SNTB1: variants seen among roughly 807,000 people sequenced by gnomAD.
SNTB1 encodes beta-1-syntrophin.
A neutral mutation model predicts 48.9 loss-of-function variants in SNTB1; 36 were observed. That is an observed-to-expected ratio of 0.74 (90% confidence interval 0.56 to 0.97). The LOEUF is 0.97. Ranked by LOEUF, SNTB1 falls within the 50% of genes least tolerant of loss-of-function variation. The probability of loss-of-function intolerance (pLI) is 0.00; values close to 1 mark genes in which losing one functional copy is unlikely to be tolerated. For synonymous variants in SNTB1, 299 were observed against 294.6 expected, an observed-to-expected ratio of 1.01 and a Z score of -0.15; for missense variants, 786 against 703.4, an observed-to-expected ratio of 1.12 and a Z score of -1.33.
At chr8:120,760,512 A>C (rs1170867652) in intron 1 of SNTB1, among the ~76,000 whole-genome samples, 1 of 152,146 alleles carries the variant, frequency 6.6e-6, no homozygotes, top group Non-Finnish European at 1.5e-5. Flanking sequence ...CTAGCTTCAG[A>C]AATTAAAAAC....
chr8:120,605,807 T>C (rs911275884), intron 3 of SNTB1, among the ~76,000 whole-genome samples: 7 of 152,182 alleles, frequency 4.6e-5, no homozygotes, highest in African/African-American at 1.7e-4. Context: ...GTGCAATCCA[T>C]GGCCTGTGGT....
chr8:120,709,128 G>C (rs1818422488), intron 1 of SNTB1, among the ~76,000 whole-genome samples: 1 of 152,076 alleles, frequency 6.6e-6, no homozygotes, highest in African/African-American at 2.4e-5. Flanking sequence ...GGGAGGGAAG[G>C]AGGAAGGCAA....
intron 3 of SNTB1, among the ~76,000 whole-genome samples, chr8:120,579,412 C>G (rs185204424): frequency 1.8e-4 from 27 of 152,238 alleles, no homozygotes; most frequent in Admixed American, 1.6e-3. Flanking sequence ...CACAGTGGCT[C>G]ATGCCTATAC....
rs73323199 is a variant in SNTB1 at position 120,767,885 on chromosome 8, C to T, written c.571+43388G>A. Among the ~76,000 whole-genome samples the T allele has an allele frequency of 2.6e-3, 403 of 152,294 alleles. 1 individual carries two copies. The highest frequency in any genetic ancestry group is 0.014 in the Middle Eastern group (4 of 294). The stretch of plus-strand genomic sequence containing the variant: ...ATTCCAAGACTAACCCTCTCTCATT[C>T]TTGATAATTCCTAAATGATGATTCT... On this transcript the variant is annotated intron_variant, in intron 1 of 6. Coordinates refer to ENST00000517992, the MANE Select transcript of SNTB1 (RefSeq NM_021021.4).
At chr8:120,732,215 G>A (rs144428811) in intron 1 of SNTB1, among the ~76,000 whole-genome samples, 1 of 152,142 alleles carries the variant, frequency 6.6e-6, no homozygotes, top group Admixed American at 6.5e-5. Flanking sequence ...GTCATCAAAT[G>A]CTTCCTACAA....
chr8:120,632,053 C>G (rs762491325), intron 3 of SNTB1, among the ~76,000 whole-genome samples: 15 of 152,160 alleles, frequency 9.9e-5, no homozygotes, highest in Non-Finnish European at 2.1e-4. Context: ...ACAGGCTCAT[C>G]AAAACCCACA....
chr8:120,765,236 A>C (rs372569742), intron 1 of SNTB1, among the ~76,000 whole-genome samples: 200 of 152,260 alleles, frequency 1.3e-3, no homozygotes, highest in African/African-American at 4.5e-3. Flanking sequence ...AAAACAAAAC[A>C]AAACCAAACC....
In SNTB1 at chr8:120,710,580, G is replaced by C. The variant is rs74613218; in HGVS notation, c.572-16672C>G. 7.2e-5 allele frequency among the ~76,000 whole-genome samples: 11 copies of C among 152,270 alleles called. No homozygotes were observed. In the East Asian group the frequency reaches 1.2e-3, roughly 16 times the overall value. On this transcript the variant is annotated intron_variant, in intron 1 of 6. Coordinates refer to ENST00000517992, the MANE Select transcript of SNTB1 (RefSeq NM_021021.4). ...ACCTTTTGGGAAGTGATTAGGTCACGAGGGTTCTGCCCTCATGAATGGATT... is the reference window on the plus strand; with the variant it reads ...ACCTTTTGGGAAGTGATTAGGTCACCAGGGTTCTGCCCTCATGAATGGATT...
intron 2 of SNTB1, among the ~76,000 whole-genome samples, chr8:120,642,759 A>G (rs377637132): frequency 6.6e-6 from 1 of 152,146 alleles, no homozygotes; most frequent in African/African-American, 2.4e-5. Flanking sequence ...AAAAAATTTA[A>G]AAATTAGTCA....
At position 120,601,252 on chromosome 8, in the gene SNTB1, G is replaced by C. The variant is rs181963826; in HGVS notation, c.997-26027C>G. Among the ~76,000 whole-genome samples the C allele has an allele frequency of 2.0e-4, 30 of 152,180 alleles. No individual in the cohort carries two copies. The East Asian group carries it at 5.6e-3, about 28-fold the overall frequency. The stretch of plus-strand genomic sequence containing the variant: ...TGGGGAGGGGGAGTGGTCAGCATAG[G>C]GGGAGGGGAGGTATGCACGCATTAC... On this transcript the variant is annotated intron_variant, in intron 3 of 6. Transcript: ENST00000517992.
At chr8:120,761,276 A>G (rs1448421459) in intron 1 of SNTB1, 1 of 152,264 alleles carries the variant, frequency 6.6e-6, no homozygotes, top group African/African-American at 2.4e-5. Context: ...CCCCCTAAAA[A>G]CAAGGACACC....
At chr8:120,649,989 A>G (rs552178591) in intron 2 of SNTB1, among the ~76,000 whole-genome samples, 9 of 151,590 alleles carry the variant, frequency 5.9e-5, no homozygotes, top group African/African-American at 1.2e-4. Context: ...GACCCCTTGC[A>G]CTTCCCAAGT....
chr8:120,569,582 C>G (rs895316495), intron 4 of SNTB1, among the ~76,000 whole-genome samples: 1 of 152,178 alleles, frequency 6.6e-6, no homozygotes, highest in Non-Finnish European at 1.5e-5. Context: ...CGACATCCCT[C>G]CAGGCAGCCT....
chr8:120,740,351 C>G (rs944673230), intron 1 of SNTB1, among the ~76,000 whole-genome samples: 3 of 152,122 alleles, frequency 2.0e-5, no homozygotes, highest in African/African-American at 7.2e-5. Context: ...AGAAAATTAT[C>G]CATTTCCTTT....
rs140695512 is a variant in SNTB1, at chr8:120,767,686, G to A, written c.571+43587C>T. On this transcript the variant is annotated intron_variant, in intron 1 of 6. Coordinates refer to ENST00000517992, the MANE Select transcript of SNTB1 (RefSeq NM_021021.4). ...CCTCATCTGTGAAATGGAGATTATC[G>A]TTCCTTAGAGGATTGTTCTGAGCCT... 1.2e-4 allele frequency among the ~76,000 whole-genome samples: 19 copies of A among 152,234 alleles called. No individual in the cohort carries two copies. In the East Asian group the frequency reaches 1.7e-3, roughly 14 times the overall value.
intron 3 of SNTB1, among the ~76,000 whole-genome samples, chr8:120,624,197 C>T (rs1169596511): frequency 2.0e-5 from 3 of 152,158 alleles, no homozygotes; most frequent in Non-Finnish European, 4.4e-5. Context: ...CTCAGCCTCC[C>T]AACATGCTGG....
At chr8:120,643,187 T>C (rs1296114922) in intron 2 of SNTB1, among the ~76,000 whole-genome samples, 5 of 152,272 alleles carry the variant, frequency 3.3e-5, no homozygotes, top group Admixed American at 2.0e-4. Flanking sequence ...TGGCAGCTTG[T>C]TTCCTCCAAA....
chr8:120,587,989 G>A (rs1484741848), intron 3 of SNTB1, among the ~76,000 whole-genome samples: 1 of 152,092 alleles, frequency 6.6e-6, no homozygotes, highest in Non-Finnish European at 1.5e-5. Flanking sequence ...ATGCTGATAT[G>A]CAGAAATTGA....
At chr8:120,579,197 C>T (rs981301150) in intron 3 of SNTB1, among the ~76,000 whole-genome samples, 12 of 151,728 alleles carry the variant, frequency 7.9e-5, no homozygotes, top group African/African-American at 2.4e-4. Flanking sequence ...AACAAACAAA[C>T]AAACAAACAA....
Sources: gnomAD v4.1 joint callset for allele counts (sites outside exome capture counted in the v4.1 genomes callset) on GRCh38, gnomAD v4.1.1 for gene constraint, MANE v1.5 for transcripts, NCBI Gene and HGNC (gene_info 2026-07-23, HGNC 2026-07-21) for gene names.